SCYL3: variants seen among roughly 807,000 people sequenced by gnomAD.
SCYL3 encodes SCY1 like pseudokinase 3.
A neutral mutation model predicts 73.8 loss-of-function variants in SCYL3; 35 were observed. The ratio of observed to expected loss-of-function variants is 0.47; its 90% CI spans 0.36 to 0.63. The LOEUF (loss-of-function observed/expected upper bound fraction) is 0.63, where lower values mean the gene tolerates loss of function less well. SCYL3 is among the 20% of genes least tolerant of loss of function. The probability of loss-of-function intolerance (pLI) is 0.00; values close to 1 mark genes in which losing one functional copy is unlikely to be tolerated. For synonymous variants in SCYL3, 277 were observed against 295.2 expected (o/e 0.94, Z 0.63); for missense variants, 712 against 798.9 (o/e 0.89, Z 1.31).
chr1:169,889,274 G>T (rs148657928), intron 1 of SCYL3, among the ~76,000 whole-genome samples: 71 of 152,290 alleles, frequency 4.7e-4, no homozygotes, highest in African/African-American at 3.9e-4. Flanking sequence ...ACTTCTGTAT[G>T]TAGAAAATAA....
chr1:169,864,333 T>G (rs1659874785), intron 9 of SCYL3, 36 bp downstream of exon 9: 1 of 1,613,122 alleles, frequency 6.2e-7, no homozygotes, highest in South Asian at 1.1e-5. Flanking sequence ...TCACCAAACT[T>G]CTTAACTAGC....
chr1:169,877,618 GAT>G (rs1199110222), intron 3 of SCYL3, among the ~76,000 whole-genome samples: 3 of 152,182 alleles, frequency 2.0e-5, no homozygotes, highest in Admixed American at 2.0e-4. Flanking sequence ...ATACACACTA[GAT>G]ATTTGTTTTA....
At chr1:169,876,891 C>A (rs1348564504) in intron 3 of SCYL3, among the ~76,000 whole-genome samples, 1 of 134,874 alleles carries the variant, frequency 7.4e-6, no homozygotes, top group Non-Finnish European at 1.5e-5. Context: ...GGAGGTGGAG[C>A]TTGCAGTGAG....
intron 12 of SCYL3, 81 bp downstream of exon 12, chr1:169,854,189 T>C: frequency 9.1e-7 from 1 of 1,095,244 alleles, no homozygotes; most frequent in Non-Finnish European, 1.3e-6. Context: ...ATGTTGCTTG[T>C]TATAAATGGG....
chr1:169,849,698 C>A lies in SCYL3; in HGVS notation c.*4015G>T. 1 of 974,174 alleles carries A rather than the reference C, an allele frequency of 1.0e-6. No homozygotes were observed. The highest frequency in any genetic ancestry group is 1.6e-6 in the Non-Finnish European group (1 of 634,462). 60.3% of individuals were successfully genotyped at this position (974,174 alleles called of 1,614,324 possible). ...TCCCAAAACATTTATTGAACTGCTT[C>A]TGTATTGCAATCGGAAAATTGTCTG... On this transcript the variant is annotated 3_prime_UTR_variant, in exon 13 of 13. Coordinates refer to ENST00000367771, the MANE Select transcript of SCYL3 (RefSeq NM_020423.7).
intron 1 of SCYL3, among the ~76,000 whole-genome samples, chr1:169,893,124 TG>T: frequency 6.6e-6 from 1 of 152,328 alleles, no homozygotes; most frequent in East Asian, 1.9e-4. Context: ...TATAAGAACA[TG>T]GGTCCCTAAA....
At position 169,854,275 on chromosome 1, in the gene SCYL3, T is replaced by C. The variant is rs751779597; in HGVS notation, c.2002A>G (p.Thr668Ala). The stretch of plus-strand genomic sequence containing the variant: ...TACTCCATAAAAGTACTCACCTCAG[T>C]AATTTCTGCTGCAGCAAATTTTGAG... ...FSSKFAAAEI[T>A]EGEAEGWEEE... Residue 668 changes from threonine (T) to alanine (A), a missense_variant, in exon 12 of 13, where the codon ACT (threonine) becomes GCT (alanine). Transcript: ENST00000367771. The C allele has an allele frequency of 1.8e-5, 29 of 1,600,912 alleles. No individual in the cohort carries two copies. Among genetic ancestry groups the C allele is most frequent in the Non-Finnish European group, 2.5e-5 (29 of 1,174,902 alleles).
intron 10 of SCYL3, chr1:169,859,856 T>C (rs1382750930): frequency 2.0e-5 from 3 of 152,234 alleles, no homozygotes; most frequent in Non-Finnish European, 4.4e-5. Context: ...GCTATGCTGA[T>C]TGGGTGTCTG....
Position 169,862,761 on chromosome 1 carries a change from G to A in SCYL3, c.992C>T (p.Pro331Leu), listed in dbSNP as rs1418064209. ...GATCACCCGTGACTGGAACAGGGCTGGTGAGAGCAAGCAAGGAGTTTCTCC... is the reference window on the plus strand; with the variant it reads ...GATCACCCGTGACTGGAACAGGGCTAGTGAGAGCAAGCAAGGAGTTTCTCC... The part of the protein sequence containing the change: ...AQGETPCLLS[P>L]ALFQSRVIPV... Residue 331 changes from proline (P) to leucine (L), a missense_variant, in exon 10 of 13, where the codon CCA becomes CTA. Physicochemically the swap from Pro to Leu is moderately conservative, Grantham distance 98. This residue lies in a region of SCYL3 where 342 missense variants were observed against 448.1 expected (regional missense o/e 0.76). Transcript: ENST00000367771. 7 of 1,614,080 alleles carry A rather than the reference G, an allele frequency of 4.3e-6. No homozygotes were observed. In the African/African-American group the frequency reaches 9.3e-5, roughly 22 times the overall value.
At chr1:169,874,935 C>A (rs1660691925) in intron 4 of SCYL3, among the ~76,000 whole-genome samples, 1 of 151,998 alleles carries the variant, frequency 6.6e-6, no homozygotes, top group Non-Finnish European at 1.5e-5. Context: ...TCCCAGCACT[C>A]CCCAGAAAAA....
chr1:169,893,598 G>A (rs114605154), intron 1 of SCYL3, among the ~76,000 whole-genome samples, 190 bp downstream of exon 1: 5,678 of 152,080 alleles, frequency 0.037, 355 homozygotes, highest in African/African-American at 0.13. Flanking sequence ...AATCAGCAAG[G>A]GGAGGCTGCT....
At chr1:169,855,052 G>T in intron 11 of SCYL3, 88 bp from the exon 12 acceptor site, 1 of 919,230 alleles carries the variant, frequency 1.1e-6, no homozygotes, top group Non-Finnish European at 1.6e-6. Flanking sequence ...AAGTGTAGTA[G>T]TATAGGTCTA....
intron 4 of SCYL3, among the ~76,000 whole-genome samples, chr1:169,874,082 G>A (rs1660623763): frequency 6.6e-6 from 1 of 152,020 alleles, no homozygotes; most frequent in Non-Finnish European, 1.5e-5. Context: ...TTCCTGCTTA[G>A]ATATTAACAA....
intron 1 of SCYL3, among the ~76,000 whole-genome samples, chr1:169,889,841 G>A (rs1558149168): frequency 6.6e-6 from 1 of 152,164 alleles, no homozygotes; most frequent in East Asian, 1.9e-4. Context: ...ACGCCTCAAA[G>A]TTGTTTTGAA....
chr1:169,855,384 A>AAGTGT (rs1357124621), intron 11 of SCYL3, among the ~76,000 whole-genome samples: 1 of 152,184 alleles, frequency 6.6e-6, no homozygotes, highest in African/African-American at 2.4e-5. Flanking sequence ...AAATTTCCCT[A>AAGTGT]AGTGTAGTAG....
At chr1:169,889,038 A>C (rs544479870) in intron 1 of SCYL3, 148 bp from the exon 2 acceptor site, 20 of 449,976 alleles carry the variant, frequency 4.4e-5, no homozygotes, top group Admixed American at 1.2e-4. Context: ...ACGCTCTGCA[A>C]GTTACCAGCA....
intron 12 of SCYL3, 104 bp from the exon 13 acceptor site, chr1:169,853,876 C>T: frequency 7.9e-7 from 1 of 1,262,468 alleles, no homozygotes; most frequent in South Asian, 1.2e-5. Context: ...CTTTTGATGC[C>T]AGAAACACTA....
intron 2 of SCYL3, among the ~76,000 whole-genome samples, chr1:169,883,124 T>C (rs1468086468): frequency 6.6e-6 from 1 of 151,286 alleles, no homozygotes; most frequent in Non-Finnish European, 1.5e-5. Context: ...AGGAAGAAAC[T>C]CCGAACATGA....
At chr1:169,881,703 T>C (rs1661274165) in intron 2 of SCYL3, among the ~76,000 whole-genome samples, 1 of 152,162 alleles carries the variant, frequency 6.6e-6, no homozygotes, top group Non-Finnish European at 1.5e-5. Flanking sequence ...TGTCTTTCTG[T>C]GCCTCATTTA....
Sources: gnomAD v4.1 joint callset for allele counts (sites outside exome capture counted in the v4.1 genomes callset) on GRCh38, gnomAD v4.1.1 for gene constraint, gnomAD v4.1.1 regional missense constraint, MANE v1.5 for transcripts, NCBI Gene and HGNC (gene_info 2026-07-23, HGNC 2026-07-21) for gene names.